Variants in IL1RAPL2 observed in about 807,000 individuals in gnomAD.
IL1RAPL2 encodes X-linked interleukin-1 receptor accessory protein-like 2.
In IL1RAPL2, 3 loss-of-function variants were observed where a neutral mutation model predicts 44.1. That is an observed-to-expected ratio of 0.07 (90% CI 0.03 to 0.18). The LOEUF (loss-of-function observed/expected upper bound fraction) is 0.18, where lower values mean the gene tolerates loss of function less well. Among genes scored for constraint, IL1RAPL2 ranks in the 10% least tolerant of loss-of-function variants. IL1RAPL2 has a pLI of 1.00. For synonymous variants in IL1RAPL2, 181 were observed against 178.8 expected (o/e 1.01, Z -0.10); for missense variants, 391 against 496.4 (o/e 0.79, Z 2.02).
chrX:104,983,614 AT>A (rs1447481562), intron 2 of IL1RAPL2, among the ~76,000 whole-genome samples: 2 of 38,294 alleles, frequency 5.2e-5, no homozygotes, highest in African/African-American at 1.7e-4. Context: ...AATATATAAT[AT>A]TATATTATAT....
At chrX:104,647,659 A>G (rs1320390926) in intron 1 of IL1RAPL2, 2 of 545,788 alleles carry the variant, frequency 3.7e-6, no homozygotes, top group Admixed American at 2.3e-5. Flanking sequence ...CACGCTCATC[A>G]TAGTCCTCTC....
At chrX:104,752,097 G>C (rs1371354425) in intron 2 of IL1RAPL2, among the ~76,000 whole-genome samples, 2 of 110,845 alleles carry the variant, frequency 1.8e-5, no homozygotes, top group African/African-American at 6.6e-5. Flanking sequence ...GAAAAACAGG[G>C]GTTGAAGCTT....
rs781260274 is a variant in IL1RAPL2 at position 105,040,004 on chromosome X, A to G, written c.83-155471A>G. Among the ~76,000 whole-genome samples, 287 of 110,307 alleles carry G rather than the reference A, an allele frequency of 2.6e-3. 3 individuals are homozygous for G. In the Middle Eastern group the frequency reaches 0.032, roughly 12 times the overall value. ...CCAGTTTTTGCCCATTCAGTATGAT[A>G]TTGGCTGTGGGTTTGTCATAGATAG... On this transcript the variant is annotated intron_variant, in intron 2 of 10. Coordinates refer to ENST00000372582, the MANE Select transcript of IL1RAPL2 (RefSeq NM_017416.2).
chrX:105,181,366 G>A (rs2147605386), intron 2 of IL1RAPL2, among the ~76,000 whole-genome samples: 1 of 111,123 alleles, frequency 9.0e-6, no homozygotes, highest in South Asian at 3.8e-4. Context: ...CTAATTTGGG[G>A]CTTGGCTTGT....
chrX:104,628,168 A>T (rs1268365409), intron 1 of IL1RAPL2, among the ~76,000 whole-genome samples: 1 of 111,663 alleles, frequency 9.0e-6, no homozygotes, highest in Non-Finnish European at 1.9e-5. Flanking sequence ...TCCCTCAAAC[A>T]TTCATCATTT....
chrX:105,214,696 C>T (rs1434691796), intron 3 of IL1RAPL2, among the ~76,000 whole-genome samples: 1 of 111,888 alleles, frequency 8.9e-6, no homozygotes, highest in Non-Finnish European at 1.9e-5. Flanking sequence ...CCACATAGCA[C>T]GTACTCTAAA....
intron 5 of IL1RAPL2, among the ~76,000 whole-genome samples, chrX:105,386,442 TG>T (rs2035477049): frequency 9.0e-6 from 1 of 111,304 alleles, no homozygotes; most frequent in African/African-American, 3.3e-5. Context: ...GATGTATTTT[TG>T]TTCTCATGTG....
intron 6 of IL1RAPL2, among the ~76,000 whole-genome samples, chrX:105,500,242 C>G (rs188714678): frequency 0.013 from 1,457 of 110,195 alleles, 16 homozygotes; most frequent in Non-Finnish European, 0.021. Context: ...TGAAAAAGCT[C>G]TAGAGGTCTG....
At chrX:105,013,075 G>T (rs1416127034) in intron 2 of IL1RAPL2, among the ~76,000 whole-genome samples, 1 of 111,061 alleles carries the variant, frequency 9.0e-6, no homozygotes, top group African/African-American at 3.3e-5. Context: ...GTGGAGTCTT[G>T]ATATTCTTAT....
chrX:105,462,134 C>T (rs1313040745), intron 5 of IL1RAPL2, among the ~76,000 whole-genome samples: 1 of 111,105 alleles, frequency 9.0e-6, no homozygotes, highest in African/African-American at 3.3e-5. Flanking sequence ...CCCAAATTCT[C>T]TCATTACTGG....
At position 105,203,496 on chromosome X, in the gene IL1RAPL2, C is replaced by G. The variant is rs781986964; in HGVS notation, c.356+7748C>G. On this transcript the variant is annotated intron_variant, in intron 3 of 10. Transcript: ENST00000372582. ...TAAATATATGCAGTTATTTGTGTAT[C>G]AATTATATCTCAATAAAACTATTTA... 7.3e-5 allele frequency among the ~76,000 whole-genome samples: 7 copies of G among 95,658 alleles called. No individual in the cohort carries two copies. The South Asian group carries it at 3.5e-3, about 48-fold the overall frequency. The allele number at this position is 95,658 out of a possible 115,157, so 83.1% of individuals were successfully genotyped here.
At chrX:105,655,334 A>G (rs943828979) in intron 6 of IL1RAPL2, among the ~76,000 whole-genome samples, 3 of 112,394 alleles carry the variant, frequency 2.7e-5, no homozygotes, top group Non-Finnish European at 3.8e-5. Flanking sequence ...ATCTCATCCC[A>G]TCTCATCCCA....
At chrX:105,655,478 T>C (rs2147844938) in intron 6 of IL1RAPL2, among the ~76,000 whole-genome samples, 1 of 112,932 alleles carries the variant, frequency 8.9e-6, no homozygotes, top group Admixed American at 9.3e-5. Context: ...GTTGCTCTTC[T>C]TATGTTCCAA....
intron 2 of IL1RAPL2, among the ~76,000 whole-genome samples, chrX:104,909,345 G>A (rs1358880340): frequency 1.8e-5 from 2 of 111,965 alleles, no homozygotes; most frequent in Admixed American, 1.9e-4. Flanking sequence ...CTCTCAGCTC[G>A]TCAAAGTCAT....
intron 2 of IL1RAPL2, among the ~76,000 whole-genome samples, chrX:105,141,001 C>T (rs147595793): frequency 0.027 from 3,041 of 111,430 alleles, 33 homozygotes; most frequent in Non-Finnish European, 0.041. Flanking sequence ...TATTCACATC[C>T]TTATTTATTC....
chrX:104,914,335 G>A (rs1451448684), intron 2 of IL1RAPL2, among the ~76,000 whole-genome samples: 1 of 111,692 alleles, frequency 9.0e-6, no homozygotes, highest in Admixed American at 9.5e-5. Flanking sequence ...TCAAATTTCT[G>A]ACAGCTTTTT....
At chrX:104,664,162 T>C (rs2051634582) in intron 2 of IL1RAPL2, among the ~76,000 whole-genome samples, 2 of 111,291 alleles carry the variant, frequency 1.8e-5, no homozygotes, top group Admixed American at 1.9e-4. Context: ...AGATATTCCC[T>C]AGCACTGCTA....
intron 2 of IL1RAPL2, among the ~76,000 whole-genome samples, chrX:105,049,824 T>C (rs1439379390): frequency 9.0e-6 from 1 of 111,316 alleles, no homozygotes; most frequent in East Asian, 2.8e-4. Context: ...CTTTGAATAA[T>C]GAATCCAGTA....
chrX:104,603,642 G>T (rs1162572406), intron 1 of IL1RAPL2, among the ~76,000 whole-genome samples: 1 of 111,636 alleles, frequency 9.0e-6, no homozygotes, highest in East Asian at 2.8e-4. Flanking sequence ...CACAGCAAGA[G>T]AACTTCGTGA....
Sources: allele counts gnomAD v4.1 joint callset (sites outside exome capture counted in the v4.1 genomes callset), GRCh38; gene constraint gnomAD v4.1.1; transcripts MANE v1.5; gene names NCBI Gene and HGNC (gene_info 2026-07-23, HGNC 2026-07-21).